The following OLFML2B variants were observed in gnomAD, a reference collection of about 807,000 sequenced individuals.
OLFML2B encodes olfactomedin like 2B, also known as olfactomedin-like protein 2B.
A neutral mutation model predicts 74.9 loss-of-function variants in OLFML2B; 57 were observed. The observed-to-expected ratio is 0.76, with a 90% CI of 0.61 to 0.95. The LOEUF (loss-of-function observed/expected upper bound fraction) is 0.95, where lower values mean the gene tolerates loss of function less well. Among genes scored for constraint, OLFML2B ranks in the 40% least tolerant of loss-of-function variants. The pLI is 0.00. For synonymous variants in OLFML2B, 388 were observed against 405.8 expected (o/e 0.96, Z 0.53); for missense variants, 986 against 970.6 (o/e 1.02, Z -0.21).
chr1:162,009,720 G>A (rs1362009032), intron 3 of OLFML2B, among the ~76,000 whole-genome samples: 1 of 152,192 alleles, frequency 6.6e-6, no homozygotes, highest in Non-Finnish European at 1.5e-5. Context: ...TCAGCCAGCT[G>A]GTGTCCCCCA....
rs1198891293 is a variant in OLFML2B, at chr1:162,023,451, C to G, written c.-21G>C. The G allele has an allele frequency of 6.1e-6, 9 of 1,472,468 alleles. No individual in the cohort carries two copies. The highest frequency in any genetic ancestry group is 8.2e-6 in the Non-Finnish European group (9 of 1,102,704). The allele number at this position is 1,472,468 out of a possible 1,614,324, so 91.2% of individuals were successfully genotyped here. ...GCCATGAGGGGCGCGATAAGAGTGT[C>G]CTCAGCCCCTTCAGAGAATGGCTGG... is the stretch of plus-strand genomic sequence containing the variant. On this transcript the variant is annotated 5_prime_UTR_variant, in exon 1 of 8. Coordinates refer to ENST00000294794, the MANE Select transcript of OLFML2B (RefSeq NM_015441.3).
rs897962264 is a variant in OLFML2B, at chr1:162,018,769, G to A, written c.438+1150C>T. 6.6e-5 allele frequency among the ~76,000 whole-genome samples: 10 copies of A among 152,304 alleles called. No homozygotes were observed. In the South Asian group the frequency reaches 1.0e-3, roughly 16 times the overall value. The stretch of plus-strand genomic sequence containing the variant: ...ATCTACACTCCCCATTTATCTCAGA[G>A]CCTAGCTTCTACATGAAGAAGTCCA... On this transcript the variant is annotated intron_variant, in intron 2 of 7. Transcript: ENST00000294794.
chr1:162,006,318 T>C lies in OLFML2B; in HGVS notation c.702A>G (p.Ala234=). ...DIRSALQRDA[A]AAYAHPEYEE... ...ATACCTCTGGGTGGGCGTAGGCTGC[T>C]GCTGCATCCCTCTGCAGGGCTGAGC... The change falls in exon 4 of 8, where the codon GCA becomes GCG. Residue 234 remains alanine, a synonymous_variant. Transcript: ENST00000294794. 6.3e-7 allele frequency: 1 copy of C among 1,599,924 alleles called. No individual in the cohort carries two copies. Among genetic ancestry groups the C allele is most frequent in the Non-Finnish European group, 8.5e-7 (1 of 1,175,126 alleles).
intron 3 of OLFML2B, among the ~76,000 whole-genome samples, chr1:162,012,211 G>A (rs1245412055): frequency 3.9e-5 from 6 of 152,212 alleles, no homozygotes; most frequent in Admixed American, 3.9e-4. Flanking sequence ...TTGATCAGGA[G>A]AGTGAGCCCT....
intron 3 of OLFML2B, among the ~76,000 whole-genome samples, chr1:162,007,005 C>T (rs116318691): frequency 0.016 from 2,496 of 152,318 alleles, 56 homozygotes; most frequent in African/African-American, 0.055. Flanking sequence ...ACTTTAAAAG[C>T]ATCATTTACA....
chr1:162,012,879 A>G lies in OLFML2B; in HGVS notation c.546+4521T>C, dbSNP rs185945776. ...AACCAACTAAAGCCTTGATGCTAGA[A>G]GATTATTATAATGATCTGTCCCTCT... On this transcript the variant is annotated intron_variant, in intron 3 of 7. Transcript: ENST00000294794. 2.0e-5 allele frequency among the ~76,000 whole-genome samples: 3 copies of G among 152,366 alleles called. No individual in the cohort carries two copies. The East Asian group carries it at 5.8e-4, about 29-fold the overall frequency.
chr1:162,000,160 T>A lies in OLFML2B; in HGVS notation c.902A>T (p.Tyr301Phe). 6.2e-7 allele frequency: 1 copy of A among 1,611,836 alleles called. No homozygotes were observed. The highest frequency in any genetic ancestry group is 1.1e-5 in the South Asian group (1 of 91,020). ...TTCTTCAGAGACCTTGGCTTTATAG[T>A]AGGTGATGCCCCGGATGACAGTGGG... Reference protein sequence around the residue: ...SQPTVIRGITYYKAKVSEEEN... With the variant: ...SQPTVIRGITFYKAKVSEEEN... Residue 301 changes from tyrosine (Y) to phenylalanine (F), a missense_variant, in exon 5 of 8, where the codon TAC becomes TTC. Physicochemically the swap from Tyr to Phe is conservative, Grantham distance 22 (BLOSUM62 3). Coordinates refer to ENST00000294794, the MANE Select transcript of OLFML2B (RefSeq NM_015441.3).
At chr1:161,989,503 A>G (rs1156851608) in intron 6 of OLFML2B, among the ~76,000 whole-genome samples, 3 of 152,060 alleles carry the variant, frequency 2.0e-5, no homozygotes. Flanking sequence ...TCTTGCCCAC[A>G]CCTAGCTGCT....
chr1:161,996,654 G>A (rs1307296348), intron 6 of OLFML2B, among the ~76,000 whole-genome samples: 1 of 152,180 alleles, frequency 6.6e-6, no homozygotes, highest in Non-Finnish European at 1.5e-5. Flanking sequence ...TGAATGTTTG[G>A]TTTAGTTCTT....
At chr1:162,007,129 A>C (rs1400722721) in intron 3 of OLFML2B, among the ~76,000 whole-genome samples, 1 of 152,240 alleles carries the variant, frequency 6.6e-6, no homozygotes, top group Non-Finnish European at 1.5e-5. Context: ...CATACCAGAG[A>C]AGATCAAGGC....
intron 3 of OLFML2B, among the ~76,000 whole-genome samples, chr1:162,016,410 T>C (rs996989750): frequency 6.6e-6 from 1 of 152,200 alleles, no homozygotes; most frequent in Admixed American, 6.5e-5. Flanking sequence ...CATCTACTAA[T>C]CATAGATCGA....
chr1:162,023,313 C>T lies in OLFML2B; in HGVS notation c.118G>A (p.Ala40Thr), dbSNP rs2101984826. 1 of 1,605,418 alleles carries T rather than the reference C, an allele frequency of 6.2e-7. No individual in the cohort carries two copies. The highest frequency in any genetic ancestry group is 8.5e-7 in the Non-Finnish European group (1 of 1,174,676). Residue 40 changes from alanine (A) to threonine (T), a missense_variant, in exon 1 of 8, where the codon GCG (alanine) becomes ACG (threonine). Transcript: ENST00000294794. ...EPPDAQTVAP[A>T]EDETLQNEAD... ...TCGTTTTGCAGAGTCTCGTCCTCCGCAGGCGCCACTGTCTGCGCATCTGGG... is the reference window on the plus strand; with the variant it reads ...TCGTTTTGCAGAGTCTCGTCCTCCGTAGGCGCCACTGTCTGCGCATCTGGG...
chr1:162,020,846 A>G (rs1259426811), intron 1 of OLFML2B, among the ~76,000 whole-genome samples: 1 of 152,224 alleles, frequency 6.6e-6, no homozygotes, highest in African/African-American at 2.4e-5. Flanking sequence ...AAAGGAAAAG[A>G]AGAAATTGGA....
chr1:162,005,264 G>A (rs992404249), intron 4 of OLFML2B, among the ~76,000 whole-genome samples: 2 of 152,182 alleles, frequency 1.3e-5, no homozygotes, highest in Non-Finnish European at 2.9e-5. Context: ...AGGTCTTTTG[G>A]TATCACTCAA....
chr1:162,000,363 G>A, intron 4 of OLFML2B, 25 bp from the exon 5 acceptor site: 3 of 1,600,660 alleles, frequency 1.9e-6, no homozygotes, highest in South Asian at 1.1e-5. Flanking sequence ...GGACACAAGG[G>A]AAGGTCAGGT....
chr1:162,022,922 A>G (rs1421772773), intron 1 of OLFML2B, among the ~76,000 whole-genome samples: 2 of 152,160 alleles, frequency 1.3e-5, no homozygotes, highest in Non-Finnish European at 2.9e-5. Context: ...TCACATTCCA[A>G]TTCTGACAGA....
At chr1:162,001,415 G>C (rs1160001579) in intron 4 of OLFML2B, among the ~76,000 whole-genome samples, 8 of 152,156 alleles carry the variant, frequency 5.3e-5, no homozygotes, top group Non-Finnish European at 8.8e-5. Flanking sequence ...GGCATCTTTT[G>C]CTCTCTTCCT....
At position 161,983,992 on chromosome 1, in the gene OLFML2B, T is replaced by C. The variant is rs774884392; in HGVS notation, c.1936A>G (p.Ile646Val). ...GCGGCATTGAGCTTGCTCAGGACAA[T>C]GACCTCCTGGCTGAAGCCCTCATCG... ...LDDEGFSQEVIVLSKLNAADL... is the reference protein window; with the variant it reads ...LDDEGFSQEVVVLSKLNAADL... The change falls in exon 8 of 8, where the codon ATT becomes GTT. Residue 646 changes from isoleucine (I) to valine (V), a missense_variant. Physicochemically the swap from Ile to Val is conservative, Grantham distance 29 (BLOSUM62 3). Transcript: ENST00000294794. The C allele has an allele frequency of 6.2e-7, 1 of 1,614,200 alleles. No homozygotes were observed. Among genetic ancestry groups the C allele is most frequent in the Non-Finnish European group, 8.5e-7 (1 of 1,180,032 alleles).
In OLFML2B at chr1:162,019,913, T is replaced by C; in HGVS notation, c.438+6A>G. 1 of 1,613,884 alleles carries C rather than the reference T, an allele frequency of 6.2e-7. No individual in the cohort carries two copies. Among genetic ancestry groups the C allele is most frequent in the Non-Finnish European group, 8.5e-7 (1 of 1,179,888 alleles). On this transcript the variant is annotated splice_donor_region_variant and intron_variant, in intron 2 of 7. Coordinates refer to ENST00000294794, the MANE Select transcript of OLFML2B (RefSeq NM_015441.3). The stretch of plus-strand genomic sequence containing the variant: ...GTCCAAGGCATTGCCCCATACCAGG[T>C]CCTACCTTCAAGTCCTGGCTGTCTG...
Sources: gnomAD v4.1 joint callset for allele counts (sites outside exome capture counted in the v4.1 genomes callset) on GRCh38, gnomAD v4.1.1 for gene constraint, MANE v1.5 for transcripts, NCBI Gene and HGNC (gene_info 2026-07-23, HGNC 2026-07-21) for gene names.